SMARCA1: variants seen among roughly 807,000 people sequenced by gnomAD.
SMARCA1 encodes the protein SNF2 related chromatin remodeling ATPase 1, also known as SWI/SNF-related matrix-associated actin-dependent regulator of chromatin subfamily A member 1.
SMARCA1 carries 17 observed loss-of-function variants against 93.6 expected under a neutral mutation model. The observed-to-expected ratio is 0.18, with a 90% CI of 0.12 to 0.27. The LOEUF (loss-of-function observed/expected upper bound fraction) is 0.27, where lower values mean the gene tolerates loss of function less well. Among genes scored for constraint, SMARCA1 ranks in the 10% least tolerant of loss-of-function variants. The probability of loss-of-function intolerance (pLI) is 1.00; values close to 1 mark genes in which losing one functional copy is unlikely to be tolerated. For missense variants in SMARCA1, 630 were observed against 819.0 expected, an observed-to-expected ratio of 0.77 and a Z score of 2.82; for synonymous variants, 271 against 271.4, an observed-to-expected ratio of 1.00 and a Z score of 0.01.
intron 1 of SMARCA1, among the ~76,000 whole-genome samples, chrX:129,521,979 T>C (rs190239579): frequency 8.9e-6 from 1 of 112,066 alleles, no homozygotes; most frequent in East Asian, 2.8e-4. Context: ...GGTCGTATAG[T>C]ATCATATAAT....
At chrX:129,474,122 C>A (rs5977088) in intron 19 of SMARCA1, among the ~76,000 whole-genome samples, 10,218 of 110,185 alleles carry the variant, frequency 0.093, 424 homozygotes, top group East Asian at 0.33. Context: ...AAGCAAATAC[C>A]ATAAGATGTA....
intron 23 of SMARCA1, among the ~76,000 whole-genome samples, chrX:129,461,797 T>G (rs996555203): frequency 8.9e-6 from 1 of 112,044 alleles, no homozygotes; most frequent in African/African-American, 3.2e-5. Context: ...ATCATATCCT[T>G]CCTACTTGTT....
chrX:129,499,951 A>T, intron 9 of SMARCA1, 110 bp from the exon 10 acceptor site: 1 of 341,590 alleles, frequency 2.9e-6, no homozygotes, highest in Non-Finnish European at 5.1e-6. Flanking sequence ...TAGTCTGACA[A>T]ATACTACCAA....
At chrX:129,456,710 T>A (rs1005590972) in intron 23 of SMARCA1, among the ~76,000 whole-genome samples, 1 of 111,725 alleles carries the variant, frequency 9.0e-6, no homozygotes. Flanking sequence ...GTGGTGGAAA[T>A]AGCAAGAGAA....
chrX:129,489,627 G>C (rs994904480), intron 15 of SMARCA1, among the ~76,000 whole-genome samples: 1 of 112,168 alleles, frequency 8.9e-6, no homozygotes, highest in African/African-American at 3.2e-5. Context: ...GCGCGATCTC[G>C]GCTCACTGCA....
At chrX:129,522,294 C>T (rs1935418584) in intron 1 of SMARCA1, among the ~76,000 whole-genome samples, 1 of 107,226 alleles carries the variant, frequency 9.3e-6, no homozygotes, top group Non-Finnish European at 1.9e-5. Flanking sequence ...CTTGGCGACG[C>T]TGAGTTTTTT....
intron 3 of SMARCA1, 34 bp downstream of exon 3, chrX:129,516,297 A>C (rs1398638775): frequency 8.5e-7 from 1 of 1,172,696 alleles, no homozygotes; most frequent in Admixed American, 2.3e-5. Context: ...GGTAGGAGAA[A>C]GGAAAGAAAG....
rs1457942329 is a variant in SMARCA1 at position 129,451,271 on chromosome X, T to C, written c.3031-2828A>G. Among the ~76,000 whole-genome samples, 3 of 111,977 alleles carry C rather than the reference T, an allele frequency of 2.7e-5. No homozygotes were observed. In the Admixed American group the frequency reaches 2.9e-4, roughly 11 times the overall value. On this transcript the variant is annotated intron_variant, in intron 23 of 24. Coordinates refer to ENST00000371121, the MANE Select transcript of SMARCA1 (RefSeq NM_001282874.2). ...AGCATGTTATTCAATTTACCTATTA[T>C]AGAAAAGGCTAAGTTGACCCTGATG...
intron 12 of SMARCA1, among the ~76,000 whole-genome samples, chrX:129,493,464 A>G (rs1047771927): frequency 9.0e-6 from 1 of 111,555 alleles, no homozygotes; most frequent in African/African-American, 3.3e-5. Context: ...TCTTTTTTAA[A>G]ATAAATGGAT....
At chrX:129,505,684 A>G (rs535238465) in intron 8 of SMARCA1, among the ~76,000 whole-genome samples, 2 of 111,422 alleles carry the variant, frequency 1.8e-5, no homozygotes, top group Admixed American at 1.9e-4. Flanking sequence ...GCTCTTTAGC[A>G]CTCACCAAAT....
intron 1 of SMARCA1, among the ~76,000 whole-genome samples, chrX:129,520,061 A>C (rs768785043): frequency 9.0e-6 from 1 of 111,146 alleles, no homozygotes; most frequent in African/African-American, 3.3e-5. Flanking sequence ...CAGGGCTATT[A>C]AAAGCTGTGG....
intron 2 of SMARCA1, 88 bp downstream of exon 2, chrX:129,518,271 TTA>T: frequency 2.3e-6 from 1 of 443,263 alleles, no homozygotes. Context: ...TCTCTATGCA[TTA>T]TATATATACA....
intron 5 of SMARCA1, among the ~76,000 whole-genome samples, chrX:129,512,844 A>G (rs926275279): frequency 8.0e-5 from 9 of 112,078 alleles, no homozygotes; most frequent in Non-Finnish European, 1.1e-4. Context: ...TGAGAGGTGC[A>G]CAAAAACTAA....
chrX:129,513,499 G>A lies in SMARCA1; in HGVS notation c.631-1516C>T, dbSNP rs746155680. Among the ~76,000 whole-genome samples, 39 of 104,692 alleles carry A rather than the reference G, an allele frequency of 3.7e-4. 1 individual carries two copies. The highest frequency in any genetic ancestry group is 1.2e-3 in the African/African-American group (35 of 28,536). 90.9% of individuals were successfully genotyped at this position (104,692 alleles called of 115,157 possible). A position where few individuals can be genotyped will look rare whatever the true frequency, so the allele number is the denominator to read the frequency against. On this transcript the variant is annotated intron_variant, in intron 5 of 24. Coordinates refer to ENST00000371121, the MANE Select transcript of SMARCA1 (RefSeq NM_001282874.2). ...TGATCACGCCATTGCACTCCAGCCTGGACAACAAGAGCAAAACTCCATCTC... is the reference window on the plus strand; with the variant it reads ...TGATCACGCCATTGCACTCCAGCCTAGACAACAAGAGCAAAACTCCATCTC...
chrX:129,496,947 T>C, intron 11 of SMARCA1, 76 bp from the exon 12 acceptor site: 1 of 947,442 alleles, frequency 1.1e-6, no homozygotes, highest in Non-Finnish European at 1.5e-6. Flanking sequence ...AATAAACATA[T>C]GCAACATAAA....
At chrX:129,492,226 T>C in intron 13 of SMARCA1, 133 bp from the exon 14 acceptor site, 1 of 397,823 alleles carries the variant, frequency 2.5e-6, no homozygotes, top group Non-Finnish European at 4.4e-6. Flanking sequence ...ATATTCCTTA[T>C]AAATATACTT....
chrX:129,457,323 A>G (rs956864449), intron 23 of SMARCA1, among the ~76,000 whole-genome samples: 1 of 112,510 alleles, frequency 8.9e-6, no homozygotes, highest in Non-Finnish European at 1.9e-5. Flanking sequence ...GACTTGCTTT[A>G]TTGTGATATT....
At position 129,480,730 on chromosome X, in the gene SMARCA1, G is replaced by A. The variant is rs1179745870; in HGVS notation, c.2413C>T (p.Leu805Phe). The A allele has an allele frequency of 2.7e-6, 3 of 1,119,403 alleles. No individual in the cohort carries two copies. Among genetic ancestry groups the A allele is most frequent in the Non-Finnish European group, 3.5e-6 (3 of 852,879 alleles). 92.3% of individuals were successfully genotyped at this position (1,119,403 alleles called of 1,213,427 possible). Residue 805 changes from leucine to phenylalanine, a missense_variant, in exon 19 of 25, where the codon CTT (leucine) becomes TTT (phenylalanine). Coordinates refer to ENST00000371121, the MANE Select transcript of SMARCA1 (RefSeq NM_001282874.2). Reference sequence around the variant, plus strand: ...TAGCCTATTGTCTTCCGATAATAAAGAATTTCCTTTTCCAGGAGCTCAAAT... The same window carrying A: ...TAGCCTATTGTCTTCCGATAATAAAAAATTTCCTTTTCCAGGAGCTCAAAT... Reference protein sequence around the residue: ...RLFELLEKEILYYRKTIGYKV... With the variant: ...RLFELLEKEIFYYRKTIGYKV...
chrX:129,450,738 C>T (rs189689656), intron 23 of SMARCA1, among the ~76,000 whole-genome samples: 5 of 110,952 alleles, frequency 4.5e-5, no homozygotes, highest in Admixed American at 1.9e-4. Context: ...TGGTTAACAT[C>T]GGCTATCCCT....
Sources: gnomAD v4.1 joint callset for allele counts (sites outside exome capture counted in the v4.1 genomes callset) on GRCh38, gnomAD v4.1.1 for gene constraint, MANE v1.5 for transcripts, NCBI Gene and HGNC (gene_info 2026-07-23, HGNC 2026-07-21) for gene names.